ZNF503: variants seen among roughly 807,000 people sequenced by gnomAD.
The protein encoded by ZNF503 is NocA-like zinc finger 2.
A neutral mutation model predicts 34.4 loss-of-function variants in ZNF503; 15 were observed. That is an observed-to-expected ratio of 0.44 (90% CI 0.29 to 0.67). The LOEUF is 0.67. Ranked by LOEUF, ZNF503 falls within the 30% of genes least tolerant of loss-of-function variation. The pLI is 0.13. For missense variants in ZNF503, 1,007 were observed against 926.8 expected (o/e 1.09, Z -1.12); for synonymous variants, 580 against 456.8 (o/e 1.27, Z -3.44).
chr10:75,313,967 C>A, the ZNF503 span, among the ~76,000 whole-genome samples: 1 of 152,126 alleles, frequency 6.6e-6, no homozygotes, highest in Non-Finnish European at 1.5e-5. Flanking sequence ...CCAAAGCCAG[C>A]CGGTAGAGTG....
chr10:75,311,670 C>CAAAAAA, the ZNF503 span, among the ~76,000 whole-genome samples: 102 of 109,256 alleles, frequency 9.3e-4, no homozygotes, highest in African/African-American at 3.1e-3. Context: ...CTAAAAATAC[C>CAAAAAA]AAAAAAAAAA....
chr10:75,355,981 T>C, the ZNF503 span, among the ~76,000 whole-genome samples: 2 of 152,154 alleles, frequency 1.3e-5, no homozygotes, highest in East Asian at 1.9e-4. Flanking sequence ...CCAGAATATC[T>C]TGTGTGTGGC....
At chr10:75,287,395 G>A in the ZNF503 span, among the ~76,000 whole-genome samples, 8 of 152,116 alleles carry the variant, frequency 5.3e-5, no homozygotes, top group Non-Finnish European at 1.2e-4. Context: ...TGGTCCTAGG[G>A]GACATATCCA....
At chr10:75,344,902 A>G in the ZNF503 span, among the ~76,000 whole-genome samples, 1 of 152,208 alleles carries the variant, frequency 6.6e-6, no homozygotes. Context: ...TGCCTCTCCA[A>G]TCATGTAGCC....
At chr10:75,325,057 T>C in the ZNF503 span, among the ~76,000 whole-genome samples, 2 of 152,224 alleles carry the variant, frequency 1.3e-5, no homozygotes, top group African/African-American at 4.8e-5. Context: ...TCTATGAATA[T>C]TCATGTACAT....
chr10:75,302,692 C>T, the ZNF503 span, among the ~76,000 whole-genome samples: 1 of 152,178 alleles, frequency 6.6e-6, no homozygotes, highest in Non-Finnish European at 1.5e-5. Flanking sequence ...TCTAGTCCAT[C>T]AGTCCTTTGC....
At chr10:75,341,170 C>T in the ZNF503 span, among the ~76,000 whole-genome samples, 2 of 152,140 alleles carry the variant, frequency 1.3e-5, no homozygotes, top group African/African-American at 4.8e-5. Context: ...GTGTCTGATA[C>T]ATAGTAGTGC....
the ZNF503 span, among the ~76,000 whole-genome samples, chr10:75,358,012 G>A: frequency 6.6e-6 from 1 of 152,174 alleles, no homozygotes; most frequent in Non-Finnish European, 1.5e-5. Flanking sequence ...TGCACCATTG[G>A]AGAGTCCCTT....
the ZNF503 span, among the ~76,000 whole-genome samples, chr10:75,384,668 C>T: frequency 9.8e-5 from 15 of 152,304 alleles, no homozygotes; most frequent in East Asian, 2.1e-3. Flanking sequence ...CCAAATGATG[C>T]TCTGGCCATG....
At chr10:75,374,007 T>G in the ZNF503 span, among the ~76,000 whole-genome samples, 1 of 152,096 alleles carries the variant, frequency 6.6e-6, no homozygotes, top group Non-Finnish European at 1.5e-5. Flanking sequence ...GCAAGTCACT[T>G]AAGGTCTATT....
chr10:75,367,504 T>C, the ZNF503 span, among the ~76,000 whole-genome samples: 1 of 152,198 alleles, frequency 6.6e-6, no homozygotes, highest in Non-Finnish European at 1.5e-5. Flanking sequence ...TCATTTTACA[T>C]TGTTATTTCT....
At position 75,399,067 on chromosome 10, in the gene ZNF503, G is replaced by T. The variant is rs551038543; in HGVS notation, c.1623C>A (p.Thr541=). The stretch of plus-strand genomic sequence containing the variant: ...TGTCTGTCCCGGGAAATGCCGTATG[G>T]GTCCGCAAGTGGCTCAGCAGCTCTT... The part of the protein sequence containing the change: ...TSEELLSHLR[T]HTAFPGTDKL... The change falls in exon 2 of 2, where the codon ACC becomes ACA. Residue 541 remains threonine (T), a synonymous_variant. Transcript: ENST00000372524. 1.9e-6 allele frequency: 3 copies of T among 1,613,460 alleles called. No individual in the cohort carries two copies. Among genetic ancestry groups the T allele is most frequent in the Non-Finnish European group, 2.5e-6 (3 of 1,179,848 alleles).
At chr10:75,349,644 CCCATAA>C in the ZNF503 span, among the ~76,000 whole-genome samples, 1 of 152,158 alleles carries the variant, frequency 6.6e-6, no homozygotes, top group Non-Finnish European at 1.5e-5. Context: ...AATGCCCATG[CCCATAA>C]CCATTGCAGC....
At chr10:75,393,168 G>A (rs1843661870), downstream of ZNF503, among the ~76,000 whole-genome samples, 3 of 152,212 alleles carry the variant, frequency 2.0e-5, no homozygotes, top group Non-Finnish European at 4.4e-5. Flanking sequence ...GGGTCACACT[G>A]GGCATAGAGG....
the ZNF503 span, among the ~76,000 whole-genome samples, chr10:75,310,997 C>T: frequency 0.76 from 115,322 of 152,072 alleles, 44,419 homozygotes; most frequent in African/African-American, 0.86. Flanking sequence ...ATTGTTTTAG[C>T]CAGGGTTCTC....
chr10:75,352,285 C>G, the ZNF503 span, among the ~76,000 whole-genome samples: 1 of 152,206 alleles, frequency 6.6e-6, no homozygotes, highest in Non-Finnish European at 1.5e-5. Context: ...GCCCTGCCCT[C>G]GGATAGATCT....
the ZNF503 span, among the ~76,000 whole-genome samples, chr10:75,347,633 G>A: frequency 1.5e-4 from 23 of 152,192 alleles, no homozygotes; most frequent in African/African-American, 4.8e-4. Context: ...TCTCTCCCTC[G>A]GAGCCTGTCT....
chr10:75,401,707 G>T lies in ZNF503; in HGVS notation c.-288C>A. 2.4e-6 allele frequency: 1 copy of T among 411,668 alleles called. No homozygotes were observed. The highest frequency in any genetic ancestry group is 4.3e-6 in the Non-Finnish European group (1 of 232,802). 25.5% of individuals were successfully genotyped at this position (411,668 alleles called of 1,614,324 possible). ...TGCTCCCCTGCGCTGCGTTCTCGCG[G>T]CCCCGCGCCGGCGCTGCGCTCTGCG... On this transcript the variant is annotated 5_prime_UTR_variant, in exon 1 of 2. Transcript: ENST00000372524.
chr10:75,340,826 C>G, the ZNF503 span, among the ~76,000 whole-genome samples: 1 of 152,180 alleles, frequency 6.6e-6, no homozygotes, highest in African/African-American at 2.4e-5. Context: ...TGGTCTCGGA[C>G]TCCTGACCTC....
Sources: allele counts gnomAD v4.1 joint callset (sites outside exome capture counted in the v4.1 genomes callset), GRCh38; gene constraint gnomAD v4.1.1; transcripts MANE v1.5; gene names NCBI Gene and HGNC (gene_info 2026-07-23, HGNC 2026-07-21).